LRR1: variants seen among roughly 807,000 people sequenced by gnomAD.
LRR1 encodes the protein leucine rich repeat protein 1, also known as leucine-rich repeat protein 1.
Under a neutral mutation model 31.6 loss-of-function variants are expected in LRR1, and 29 were observed. That is an observed-to-expected ratio of 0.92 (90% confidence interval 0.68 to 1.25). The LOEUF is 1.25. Among genes scored for constraint, LRR1 ranks in the 50% most tolerant of loss-of-function variants. The pLI is 0.00. For missense variants in LRR1, 485 were observed against 487.2 expected (o/e 1.00, Z 0.04); for synonymous variants, 179 against 181.4 (o/e 0.99, Z 0.10).
chr14:49,610,479 TC>T (rs1485044668), intron 3 of LRR1, among the ~76,000 whole-genome samples: 1 of 151,908 alleles, frequency 6.6e-6, no homozygotes, highest in Non-Finnish European at 1.5e-5. Flanking sequence ...GGTTTTGAAC[TC>T]CTGGCCTCAA....
chr14:49,602,558 G>C, intron 2 of LRR1, 90 bp downstream of exon 2: 2 of 1,076,708 alleles, frequency 1.9e-6, no homozygotes, highest in Non-Finnish European at 2.8e-6. Context: ...CCAAGCTGAA[G>C]TACAGAGGCA....
At chr14:49,610,102 G>C (rs761349249) in intron 3 of LRR1, among the ~76,000 whole-genome samples, 40 of 152,276 alleles carry the variant, frequency 2.6e-4, no homozygotes, top group Middle Eastern at 6.8e-3. Context: ...CCACCTTATA[G>C]AGTTGTGACG....
chr14:49,600,966 C>T lies in LRR1; in HGVS notation c.184-1404C>T. 2.5e-6 allele frequency: 4 copies of T among 1,579,926 alleles called. No homozygotes were observed. In the South Asian group the frequency reaches 3.4e-5, roughly 14 times the overall value. On this transcript the variant is annotated intron_variant, in intron 1 of 3. Transcript: ENST00000298288. ...TTGACCATACACATTTCTGCACAGC[C>T]CTTACAGAATCTGCACAAAGAAATA...
rs1309234716 is a variant in LRR1, at chr14:49,614,523, A to T, written c.*27A>T. 2.5e-6 allele frequency: 4 copies of T among 1,612,800 alleles called. No individual in the cohort carries two copies. Among genetic ancestry groups the T allele is most frequent in the Non-Finnish European group, 3.4e-6 (4 of 1,179,706 alleles). On this transcript the variant is annotated 3_prime_UTR_variant, in exon 4 of 4. Coordinates refer to ENST00000298288, the MANE Select transcript of LRR1 (RefSeq NM_152329.4). ...GGGTGAGACCAGAAAAAGAAATTTC[A>T]ATAACAGATCAGTTTGGGGTGCATG...
chr14:49,614,185 C>T (rs1882613224), intron 3 of LRR1, 71 bp from the exon 4 acceptor site: 6 of 1,448,690 alleles, frequency 4.1e-6, no homozygotes, highest in South Asian at 1.3e-5. Flanking sequence ...TGTTAAAATT[C>T]CATGTCCTAA....
chr14:49,602,256 G>A, intron 1 of LRR1, 114 bp from the exon 2 acceptor site: 1 of 722,670 alleles, frequency 1.4e-6, no homozygotes. Context: ...TCAGACTCAA[G>A]GACTAAAAGC....
intron 2 of LRR1, among the ~76,000 whole-genome samples, chr14:49,604,304 C>CAAACA (rs909274950): frequency 1.6e-4 from 24 of 152,026 alleles, no homozygotes; most frequent in East Asian, 7.8e-4. Context: ...GACCCTGTCT[C>CAAACA]AAACAAAACA....
intron 2 of LRR1, chr14:49,603,642 A>C: frequency 2.0e-6 from 2 of 1,002,698 alleles, no homozygotes; most frequent in Non-Finnish European, 2.4e-6. Context: ...CTCCTGGCGA[A>C]TTTTTGTCTA....
chr14:49,600,739 C>T (rs1445812332), intron 1 of LRR1: 2 of 918,784 alleles, frequency 2.2e-6, no homozygotes, highest in Non-Finnish European at 3.2e-6. Flanking sequence ...CAAAACCTGT[C>T]CTCAGAATTC....
intron 3 of LRR1, among the ~76,000 whole-genome samples, chr14:49,609,936 G>A (rs1882450480): frequency 6.6e-6 from 1 of 151,652 alleles, no homozygotes; most frequent in Non-Finnish European, 1.5e-5. Context: ...CCCAACTCCT[G>A]ACCTCAGGTG....
chr14:49,612,381 C>T, intron 3 of LRR1: 4 of 898,130 alleles, frequency 4.5e-6, no homozygotes, highest in Non-Finnish European at 5.6e-6. Flanking sequence ...TACAAGCATA[C>T]AGTTATGATC....
intron 3 of LRR1, 91 bp downstream of exon 3, chr14:49,608,212 C>T: frequency 7.7e-7 from 1 of 1,300,948 alleles, no homozygotes; most frequent in Non-Finnish European, 1.0e-6. Context: ...ACATTGCTTA[C>T]AGTGCTATGC....
chr14:49,599,218 C>T lies in LRR1; in HGVS notation c.183+15C>T, dbSNP rs1027916528. Reference sequence around the variant, plus strand: ...CCCGCTATGAGGTGCGTGAAGTGGGCAGGCCCTGTCAGTCTCGCGTTCTTC... The same window carrying T: ...CCCGCTATGAGGTGCGTGAAGTGGGTAGGCCCTGTCAGTCTCGCGTTCTTC... On this transcript the variant is annotated intron_variant, in intron 1 of 3. Coordinates refer to ENST00000298288, the MANE Select transcript of LRR1 (RefSeq NM_152329.4). 5 of 1,578,162 alleles carry T rather than the reference C, an allele frequency of 3.2e-6. No homozygotes were observed. Among genetic ancestry groups the T allele is most frequent in the Non-Finnish European group, 4.3e-6 (5 of 1,159,594 alleles).
intron 3 of LRR1, among the ~76,000 whole-genome samples, chr14:49,613,579 G>A (rs984597568): frequency 2.6e-5 from 4 of 151,784 alleles, no homozygotes; most frequent in Non-Finnish European, 5.9e-5. Flanking sequence ...GGCTGAGGCA[G>A]GCAGATCACA....
At chr14:49,601,179 G>C (rs1566491148) in intron 1 of LRR1, 8 of 1,565,354 alleles carry the variant, frequency 5.1e-6, no homozygotes, top group Non-Finnish European at 5.2e-6. Flanking sequence ...TTGAGCACAA[G>C]TGTAACCTAA....
chr14:49,614,298 A>C lies in LRR1; in HGVS notation c.1047A>C (p.Gln349His). 1 of 1,613,708 alleles carries C rather than the reference A, an allele frequency of 6.2e-7. No homozygotes were observed. Among genetic ancestry groups the C allele is most frequent in the Non-Finnish European group, 8.5e-7 (1 of 1,179,934 alleles). ...ATATCATTCCATTCCATCTCTGCCA[A>C]GATTTGGATACCGCAAAAATTTGTG... ...GSHIIPFHLC[Q>H]DLDTAKICVC... Residue 349 changes from glutamine (Q) to histidine (H), a missense_variant, in exon 4 of 4, where the codon CAA becomes CAC. Gln to His is a conservative substitution (Grantham distance 24, BLOSUM62 0). This residue lies in a region of LRR1 where 210 missense variants were observed against 200.4 expected (regional missense o/e 1.05). Coordinates refer to ENST00000298288, the MANE Select transcript of LRR1 (RefSeq NM_152329.4).
intron 3 of LRR1, chr14:49,612,339 C>G (rs1882542562): frequency 2.3e-6 from 1 of 439,360 alleles, no homozygotes; most frequent in Non-Finnish European, 3.1e-6. Flanking sequence ...AACCTATTAT[C>G]TAGCTGTTGA....
In LRR1 at chr14:49,598,983, T is replaced by C. The variant is rs56203410; in HGVS notation, c.-38T>C. 3 of 1,570,738 alleles carry C rather than the reference T, an allele frequency of 1.9e-6. No individual in the cohort carries two copies. In the African/African-American group the frequency reaches 4.0e-5, roughly 21 times the overall value. Reference sequence around the variant, plus strand: ...GCCGGGTGGCGGGAAGGAGGAAGTTTCAAAGCCAGCTTGACGTGGTTGTGG... The same window carrying C: ...GCCGGGTGGCGGGAAGGAGGAAGTTCCAAAGCCAGCTTGACGTGGTTGTGG... On this transcript the variant is annotated 5_prime_UTR_variant, in exon 1 of 4. Transcript: ENST00000298288.
chr14:49,600,072 A>C, intron 1 of LRR1: 1 of 1,603,472 alleles, frequency 6.2e-7, no homozygotes, highest in South Asian at 1.1e-5. Context: ...GTGCCTACTC[A>C]TGAGCTGTGC....
Sources: allele counts gnomAD v4.1 joint callset (sites outside exome capture counted in the v4.1 genomes callset), GRCh38; gene constraint gnomAD v4.1.1; regional missense constraint gnomAD v4.1.1; transcripts MANE v1.5; gene names NCBI Gene and HGNC (gene_info 2026-07-23, HGNC 2026-07-21).